Variants in SASH1 observed in about 807,000 individuals in gnomAD.
The protein encoded by SASH1 is SAM and SH3 domain containing 1.
Under a neutral mutation model 125.2 loss-of-function variants are expected in SASH1, and 44 were observed. The observed-to-expected ratio is 0.35, with a 90% CI of 0.28 to 0.45. The LOEUF (loss-of-function observed/expected upper bound fraction) is 0.45, where lower values mean the gene tolerates loss of function less well. SASH1 is among the 20% of genes least tolerant of loss of function. The probability of loss-of-function intolerance (pLI) is 1.00; values close to 1 mark genes in which losing one functional copy is unlikely to be tolerated. For missense variants in SASH1, 1,426 were observed against 1,614.5 expected (o/e 0.88, Z 2.00); for synonymous variants, 639 against 649.1 (o/e 0.98, Z 0.24).
At chr6:148,432,685 C>T (rs934561004) in intron 2 of SASH1, among the ~76,000 whole-genome samples, 4 of 152,198 alleles carry the variant, frequency 2.6e-5, no homozygotes, top group African/African-American at 7.2e-5. Flanking sequence ...GGGATTTGTC[C>T]CTCCTGCTTT....
chr6:148,468,575 C>G lies in SASH1; in HGVS notation c.417C>G (p.Asp139Glu). The G allele has an allele frequency of 6.2e-7, 1 of 1,606,634 alleles. No individual in the cohort carries two copies. Among genetic ancestry groups the G allele is most frequent in the Non-Finnish European group, 8.5e-7 (1 of 1,174,014 alleles). ...CTCTTCATAAATCAAACTCAGAAGACAGCTCTGTAGGTCAGTACCACTTTT... is the reference window on the plus strand; with the variant it reads ...CTCTTCATAAATCAAACTCAGAAGAGAGCTCTGTAGGTCAGTACCACTTTT... ...KNPLHKSNSE[D>E]SSVGKGDWKK... Residue 139 changes from aspartate to glutamate, a missense_variant, in exon 5 of 20, where the codon GAC (aspartate) becomes GAG (glutamate). By Grantham distance (45) the Asp-to-Glu change is conservative. This residue lies in a region of SASH1 where 567 missense variants were observed against 575.6 expected (regional missense o/e 0.99). Transcript: ENST00000367467.
chr6:148,364,874 G>A (rs911286087), intron 1 of SASH1, among the ~76,000 whole-genome samples: 6 of 152,144 alleles, frequency 3.9e-5, no homozygotes, highest in Non-Finnish European at 2.9e-5. Context: ...TGTAATCTCA[G>A]CACTTTGGGA....
chr6:148,198,568 T>C, the SASH1 span, among the ~76,000 whole-genome samples: 4 of 152,166 alleles, frequency 2.6e-5, no homozygotes, highest in African/African-American at 7.2e-5. Flanking sequence ...ATCCAGTCCA[T>C]CTGATGTTTT....
At chr6:148,385,310 T>C (rs532829956) in intron 1 of SASH1, among the ~76,000 whole-genome samples, 1 of 152,298 alleles carries the variant, frequency 6.6e-6, no homozygotes, top group Admixed American at 6.5e-5. Context: ...CCCCAAGTTA[T>C]TGGGGGAGTT....
At chr6:148,327,865 C>G (rs1347976455) in intron 1 of SASH1, among the ~76,000 whole-genome samples, 1 of 149,920 alleles carries the variant, frequency 6.7e-6, no homozygotes, top group Non-Finnish European at 1.5e-5. Context: ...CACTTGAACC[C>G]AGGAGGTGGA....
chr6:148,366,092 G>T (rs150494317), intron 1 of SASH1, among the ~76,000 whole-genome samples: 4,406 of 151,548 alleles, frequency 0.029, 205 homozygotes, highest in East Asian at 0.18. Flanking sequence ...CAGCCTGGGG[G>T]ATAGAGTGAA....
At chr6:148,247,339 A>G in the SASH1 span, among the ~76,000 whole-genome samples, 9 of 152,210 alleles carry the variant, frequency 5.9e-5, no homozygotes, top group African/African-American at 2.2e-4. Context: ...AGCATGAAAT[A>G]GAAGAAATTA....
At position 148,495,931 on chromosome 6, in the gene SASH1, G is replaced by C. The variant is rs1357009676; in HGVS notation, c.729+8216G>C. Reference sequence around the variant, plus strand: ...GCCCTCTGCAACCTCCACCTCCTGGGTTCACGCGATTCTCCTGCCTCAGCC... The same window carrying C: ...GCCCTCTGCAACCTCCACCTCCTGGCTTCACGCGATTCTCCTGCCTCAGCC... On this transcript the variant is annotated intron_variant, in intron 8 of 19. Transcript: ENST00000367467. This position sits in a 1 kb window ranked among gnomAD's most constrained non-coding sequence, Gnocchi z 4.0. 6.6e-6 allele frequency among the ~76,000 whole-genome samples: 1 copy of C among 152,132 alleles called. No homozygotes were observed. The highest frequency in any genetic ancestry group is 6.5e-5 in the Admixed American group (1 of 15,270).
chr6:148,486,162 CCGGGCTGGAGTGCAGTGGTG>C (rs767284329), intron 7 of SASH1, among the ~76,000 whole-genome samples: 4 of 152,140 alleles, frequency 2.6e-5, no homozygotes, highest in Admixed American at 6.5e-5. Flanking sequence ...CTCTTGTCGC[CCGGGCTGGAGTGCAGTGGTG>C]CGATCTCGGC....
At chr6:148,207,641 C>T in the SASH1 span, among the ~76,000 whole-genome samples, 17 of 152,152 alleles carry the variant, frequency 1.1e-4, no homozygotes, top group Admixed American at 9.8e-4. Flanking sequence ...GTTGGGATGG[C>T]GCAGACACAG....
chr6:148,224,533 G>A, the SASH1 span, among the ~76,000 whole-genome samples: 1 of 152,024 alleles, frequency 6.6e-6, no homozygotes, highest in East Asian at 1.9e-4. Flanking sequence ...GCTAATTTTT[G>A]TATTTTTAGT....
chr6:148,537,534 G>C (rs1781922020), intron 16 of SASH1, among the ~76,000 whole-genome samples: 1 of 151,900 alleles, frequency 6.6e-6, no homozygotes, highest in African/African-American at 2.4e-5. Flanking sequence ...ATGCAGAAAA[G>C]TACAGAGGAA....
chr6:148,419,579 C>T lies in SASH1; in HGVS notation c.286-20605C>T, dbSNP rs953058137. Among the ~76,000 whole-genome samples the T allele has an allele frequency of 2.0e-5, 3 of 152,174 alleles. 1 individual carries two copies. In the South Asian group the frequency reaches 6.2e-4, roughly 32 times the overall value. On this transcript the variant is annotated intron_variant, in intron 2 of 19. Coordinates refer to ENST00000367467, the MANE Select transcript of SASH1 (RefSeq NM_015278.5). ...ATGTAGTATTGGGGATGCCGTCCGC[C>T]CTCCTGTCCTGTTTCTCAGCCACAT...
At chr6:148,523,743 A>T (rs772035357) in intron 10 of SASH1, among the ~76,000 whole-genome samples, 2 of 152,152 alleles carry the variant, frequency 1.3e-5, no homozygotes, top group Non-Finnish European at 2.9e-5. Flanking sequence ...TAAGGCCCAG[A>T]ACAAAGCTCC....
In SASH1 at chr6:148,514,359, G is replaced by A. The variant is rs148440042; in HGVS notation, c.765G>A (p.Ser255=). The stretch of plus-strand genomic sequence containing the variant: ...AATCGGATGATGAGACTGAGGAGTC[G>A]GTGAAGTTTAAGAGGTTACACAAGC... ...REQSDDETEE[S]VKFKRLHKLV... is the part of the protein sequence containing the mutation. Residue 255 remains serine, a synonymous_variant, in exon 9 of 20, where the codon TCG becomes TCA. Coordinates refer to ENST00000367467, the MANE Select transcript of SASH1 (RefSeq NM_015278.5). 35 of 1,605,946 alleles carry A rather than the reference G, an allele frequency of 2.2e-5. No individual in the cohort carries two copies. Among genetic ancestry groups the A allele is most frequent in the African/African-American group, 4.1e-5 (3 of 74,040 alleles).
intron 4 of SASH1, among the ~76,000 whole-genome samples, chr6:148,445,319 AC>A (rs1271717804): frequency 1.3e-5 from 2 of 152,078 alleles, no homozygotes; most frequent in Non-Finnish European, 2.9e-5. Context: ...CAAGGTGGAG[AC>A]GCTCTGGTTC....
chr6:148,391,603 CTGTT>C (rs1783733555), intron 2 of SASH1, among the ~76,000 whole-genome samples: 1 of 152,088 alleles, frequency 6.6e-6, no homozygotes, highest in Non-Finnish European at 1.5e-5. Context: ...ATAAATTTGG[CTGTT>C]TGTGAAAACC....
chr6:148,451,878 T>G lies in SASH1; in HGVS notation c.386+11471T>G, dbSNP rs573862395. 7.2e-5 allele frequency among the ~76,000 whole-genome samples: 11 copies of G among 152,278 alleles called. No individual in the cohort carries two copies. The East Asian group carries it at 1.2e-3, about 16-fold the overall frequency. On this transcript the variant is annotated intron_variant, in intron 4 of 19. Transcript: ENST00000367467. ...ATGCATCCTGTCTCCACATCCTGTT[T>G]GTGGCGGGGCTGTGGTGTAGGGTGG...
intron 1 of SASH1, among the ~76,000 whole-genome samples, chr6:148,374,712 G>A (rs1473585209): frequency 6.6e-6 from 1 of 151,468 alleles, no homozygotes; most frequent in Non-Finnish European, 1.5e-5. Flanking sequence ...TTTGGGGGGG[G>A]GGGAGATGGA....
Sources: allele counts gnomAD v4.1 joint callset (sites outside exome capture counted in the v4.1 genomes callset), GRCh38; gene constraint gnomAD v4.1.1; regional missense constraint gnomAD v4.1.1; non-coding constraint Gnocchi (gnomAD v3.1); transcripts MANE v1.5; gene names NCBI Gene and HGNC (gene_info 2026-07-23, HGNC 2026-07-21).